The following DEPTOR variants were observed in gnomAD, a reference collection of about 807,000 sequenced individuals.
DEPTOR encodes DEP domain-containing mTOR-interacting protein.
A neutral mutation model predicts 41.6 loss-of-function variants in DEPTOR; 41 were observed. That is an observed-to-expected ratio of 0.98 (90% CI 0.77 to 1.28). The LOEUF (loss-of-function observed/expected upper bound fraction) is 1.28. DEPTOR is among the 50% of genes most tolerant of loss of function. DEPTOR has a pLI of 0.00. For synonymous variants in DEPTOR, 195 were observed against 192.3 expected (o/e 1.01, Z -0.12); for missense variants, 514 against 527.9 (o/e 0.97, Z 0.26).
chr8:119,922,237 C>CA (rs34430128), intron 1 of DEPTOR, among the ~76,000 whole-genome samples: 42,672 of 125,572 alleles, frequency 0.34, 6,679 homozygotes, highest in Middle Eastern at 0.45. Context: ...GAAACTGTCT[C>CA]AAAAAAAAAA....
intron 3 of DEPTOR, among the ~76,000 whole-genome samples, chr8:119,939,544 T>G (rs926309197): frequency 5.3e-5 from 8 of 152,118 alleles, no homozygotes; most frequent in African/African-American, 1.9e-4. Flanking sequence ...CTGGAGTGCA[T>G]TGGTGCGATC....
chr8:120,021,659 A>G (rs1304635075), intron 8 of DEPTOR, among the ~76,000 whole-genome samples: 4 of 152,196 alleles, frequency 2.6e-5, no homozygotes, highest in African/African-American at 9.6e-5. Context: ...ATATTGCAGT[A>G]TACTATTCCA....
rs75462782 is a variant in DEPTOR at position 119,923,206 on chromosome 8, A to G, written c.123-5194A>G. Among the ~76,000 whole-genome samples the G allele has an allele frequency of 6.6e-3, 1,008 of 152,110 alleles. 12 individuals carry two copies. The highest frequency in any genetic ancestry group is 0.023 in the African/African-American group (962 of 41,500). ...AGTGGCTTAAAAAATCTCCACATCTATTAACCTCTATCTGCTGTATTTATT... is the reference window on the plus strand; with the variant it reads ...AGTGGCTTAAAAAATCTCCACATCTGTTAACCTCTATCTGCTGTATTTATT... On this transcript the variant is annotated intron_variant, in intron 1 of 8. Coordinates refer to ENST00000286234, the MANE Select transcript of DEPTOR (RefSeq NM_022783.4).
At chr8:120,031,631 A>G (rs1238049331) in intron 8 of DEPTOR, among the ~76,000 whole-genome samples, 11 of 152,026 alleles carry the variant, frequency 7.2e-5, no homozygotes, top group Non-Finnish European at 1.3e-4. Context: ...CATCCCAGAC[A>G]TCAGTGCCAG....
At chr8:119,907,590 T>C (rs552437051) in intron 1 of DEPTOR, among the ~76,000 whole-genome samples, 38 of 152,216 alleles carry the variant, frequency 2.5e-4, no homozygotes, top group African/African-American at 8.2e-4. Context: ...GGATCAAGTT[T>C]GAGACCACAC....
chr8:119,904,954 G>C (rs900983569), intron 1 of DEPTOR, among the ~76,000 whole-genome samples: 1 of 144,768 alleles, frequency 6.9e-6, no homozygotes, highest in African/African-American at 2.6e-5. Flanking sequence ...ACCATGCCTG[G>C]CTAATTTTTG....
chr8:119,995,885 C>T (rs1208580279), intron 4 of DEPTOR, among the ~76,000 whole-genome samples: 1 of 152,178 alleles, frequency 6.6e-6, no homozygotes, highest in Non-Finnish European at 1.5e-5. Context: ...TACCTGCACT[C>T]TTTCAGCTTT....
rs532668785 is a variant in DEPTOR at position 119,906,077 on chromosome 8, G to A, written c.123-22323G>A. On this transcript the variant is annotated intron_variant, in intron 1 of 8. Transcript: ENST00000286234. Reference sequence around the variant, plus strand: ...CAAAATGCTGGGATTATAGGCATGAGCCACTGTGCCTGGCCTAATGTAACA... The same window carrying A: ...CAAAATGCTGGGATTATAGGCATGAACCACTGTGCCTGGCCTAATGTAACA... Among the ~76,000 whole-genome samples, 119 of 152,290 alleles carry A rather than the reference G, an allele frequency of 7.8e-4. 1 individual carries two copies. Among genetic ancestry groups the A allele is most frequent in the African/African-American group, 2.7e-3 (114 of 41,570 alleles).
intron 1 of DEPTOR, among the ~76,000 whole-genome samples, chr8:119,882,723 C>T (rs900913992): frequency 6.6e-6 from 1 of 152,144 alleles, no homozygotes; most frequent in African/African-American, 2.4e-5. Flanking sequence ...TTCTTTCTAG[C>T]TTTCATTTGA....
intron 4 of DEPTOR, among the ~76,000 whole-genome samples, chr8:119,998,959 A>G (rs887456984): frequency 1.4e-4 from 21 of 151,650 alleles, no homozygotes; most frequent in African/African-American, 2.4e-4. Context: ...AAAAAAAAAA[A>G]AAGAAGAAGA....
chr8:119,890,203 C>T (rs1039961393), intron 1 of DEPTOR, among the ~76,000 whole-genome samples: 13 of 152,198 alleles, frequency 8.5e-5, no homozygotes, highest in Non-Finnish European at 1.6e-4. Context: ...GATCCACTCA[C>T]CTTGACCTCC....
intron 8 of DEPTOR, among the ~76,000 whole-genome samples, chr8:120,038,268 CAAAAA>C (rs71771968): frequency 8.6e-6 from 1 of 116,632 alleles, no homozygotes. Context: ...GAGTCTGTCT[CAAAAA>C]AAAAAAAAAA....
At chr8:120,024,110 A>T (rs1332100300) in intron 8 of DEPTOR, among the ~76,000 whole-genome samples, 1 of 152,070 alleles carries the variant, frequency 6.6e-6, no homozygotes, top group Admixed American at 6.6e-5. Flanking sequence ...GGTGGCATGA[A>T]CCTGTAGTCC....
chr8:119,956,205 G>A (rs2129941033), intron 3 of DEPTOR, among the ~76,000 whole-genome samples: 1 of 152,332 alleles, frequency 6.6e-6, no homozygotes, highest in African/African-American at 2.4e-5. Flanking sequence ...CAAGTAGTAA[G>A]TCAAACTCTT....
In DEPTOR at chr8:120,028,750, A is replaced by G. The variant is rs1812840328; in HGVS notation, c.1101+19617A>G. ...AGTGCTAGGATTATAGGCATGAACC[A>G]CCATGCCCAGCCCCTCCAAATCTAA... On this transcript the variant is annotated intron_variant, in intron 8 of 8. Coordinates refer to ENST00000286234, the MANE Select transcript of DEPTOR (RefSeq NM_022783.4). Among the ~76,000 whole-genome samples the G allele has an allele frequency of 2.0e-5, 3 of 151,490 alleles. No homozygotes were observed. The South Asian group carries it at 6.3e-4, about 32-fold the overall frequency.
At chr8:119,985,218 T>C (rs563400502) in intron 4 of DEPTOR, among the ~76,000 whole-genome samples, 1 of 152,328 alleles carries the variant, frequency 6.6e-6, no homozygotes, top group African/African-American at 2.4e-5. Context: ...CCAGCATCTA[T>C]TGTTTCCCAA....
chr8:120,039,467 G>A (rs972996871), intron 8 of DEPTOR, among the ~76,000 whole-genome samples: 7 of 152,194 alleles, frequency 4.6e-5, no homozygotes, highest in Non-Finnish European at 8.8e-5. Context: ...ATCTAAATGT[G>A]TATGACATTG....
chr8:120,003,760 G>GA (rs1195825530), intron 6 of DEPTOR, among the ~76,000 whole-genome samples: 4 of 152,086 alleles, frequency 2.6e-5, no homozygotes, highest in African/African-American at 4.8e-5. Context: ...TATATTCCAG[G>GA]AAAAAAATCT....
At chr8:119,916,474 T>A (rs548391461) in intron 1 of DEPTOR, among the ~76,000 whole-genome samples, 2 of 152,144 alleles carry the variant, frequency 1.3e-5, no homozygotes, top group Non-Finnish European at 2.9e-5. Flanking sequence ...GCCATTCAGA[T>A]GTAAGGTTAT....
Sources: gnomAD v4.1 joint callset for allele counts (sites outside exome capture counted in the v4.1 genomes callset) on GRCh38, gnomAD v4.1.1 for gene constraint, MANE v1.5 for transcripts, NCBI Gene and HGNC (gene_info 2026-07-23, HGNC 2026-07-21) for gene names.